FRMD4B: variants seen among roughly 807,000 people sequenced by gnomAD.
FRMD4B encodes the protein FERM domain containing 4B.
Under a neutral mutation model 141.5 loss-of-function variants are expected in FRMD4B, and 74 were observed. That is an observed-to-expected ratio of 0.52 (90% CI 0.43 to 0.63). The LOEUF is 0.63. Among genes scored for constraint, FRMD4B ranks in the 30% least tolerant of loss-of-function variants. The probability of loss-of-function intolerance (pLI) is 0.00; values close to 1 mark genes in which losing one functional copy is unlikely to be tolerated. For synonymous variants in FRMD4B, 506 were observed against 467.9 expected, an observed-to-expected ratio of 1.08 and a Z score of -1.05; for missense variants, 1,366 against 1,253.4, an observed-to-expected ratio of 1.09 and a Z score of -1.36.
At chr3:69,188,041 A>G (rs2092789252) in intron 18 of FRMD4B, 124 bp from the exon 19 acceptor site, 2 of 650,592 alleles carry the variant, frequency 3.1e-6, no homozygotes, top group East Asian at 5.7e-5. Flanking sequence ...TCCAAAGATG[A>G]TATTTTTAGA....
intron 1 of FRMD4B, among the ~76,000 whole-genome samples, chr3:69,480,047 T>G (rs1337234231): frequency 6.6e-6 from 1 of 152,232 alleles, no homozygotes; most frequent in Non-Finnish European, 1.5e-5. Flanking sequence ...AGCCTTGGCT[T>G]TCAGGTCCAT....
At chr3:69,515,596 T>C (rs1276311895) in intron 1 of FRMD4B, among the ~76,000 whole-genome samples, 1 of 152,208 alleles carries the variant, frequency 6.6e-6, no homozygotes, top group African/African-American at 2.4e-5. Flanking sequence ...GAGATCTCTT[T>C]CATTAGGCTC....
rs550235061 is a variant in FRMD4B at position 69,189,827 on chromosome 3, C to T, written c.1771+69G>A. ...AGAAAAACAAATAGGCCTTACTTAA[C>T]TAAGAAAATTATCTTAATTATTTCA... On this transcript the variant is annotated intron_variant, in intron 18 of 22. Transcript: ENST00000398540. 3 of 952,326 alleles carry T rather than the reference C, an allele frequency of 3.2e-6. No homozygotes were observed. The South Asian group carries it at 4.3e-5, about 14-fold the overall frequency. The allele number at this position is 952,326 out of a possible 1,614,324, so 59.0% of individuals were successfully genotyped here. A position where few individuals can be genotyped will look rare whatever the true frequency, so the allele number is the denominator to read the frequency against.
At chr3:69,177,803 G>A (rs1658923025) in intron 21 of FRMD4B, among the ~76,000 whole-genome samples, 1 of 152,198 alleles carries the variant, frequency 6.6e-6, no homozygotes, top group Non-Finnish European at 1.5e-5. Flanking sequence ...AGGCCTTGGA[G>A]GAAATGTGTT....
chr3:69,491,773 T>C (rs1011560210), intron 1 of FRMD4B, among the ~76,000 whole-genome samples: 2 of 152,178 alleles, frequency 1.3e-5, no homozygotes, highest in African/African-American at 4.8e-5. Flanking sequence ...AGCCTCCAGC[T>C]AGATTCACAA....
intron 1 of FRMD4B, among the ~76,000 whole-genome samples, chr3:69,509,951 A>G (rs1326904318): frequency 6.6e-6 from 1 of 151,368 alleles, no homozygotes; most frequent in African/African-American, 2.4e-5. Context: ...ACACTCTACT[A>G]TGGAGTATAA....
At chr3:69,483,742 T>C (rs1706168711) in intron 1 of FRMD4B, among the ~76,000 whole-genome samples, 1 of 152,204 alleles carries the variant, frequency 6.6e-6, no homozygotes. Context: ...TAACCAACTG[T>C]GGACCCTTAT....
chr3:69,456,697 A>G (rs1180904280), intron 1 of FRMD4B, among the ~76,000 whole-genome samples: 2 of 151,776 alleles, frequency 1.3e-5, no homozygotes, highest in South Asian at 2.1e-4. Context: ...ATTTAAATAC[A>G]TACAAGACAG....
intron 20 of FRMD4B, among the ~76,000 whole-genome samples, chr3:69,182,003 A>G (rs1034124504): frequency 6.6e-6 from 1 of 151,918 alleles, no homozygotes; most frequent in Non-Finnish European, 1.5e-5. Flanking sequence ...AGTTTGCATC[A>G]CAGCCTGGAA....
In FRMD4B at chr3:69,181,248, A is replaced by G. The variant is rs773656025; in HGVS notation, c.2502T>C (p.Ser834=). 4 of 1,613,642 alleles carry G rather than the reference A, an allele frequency of 2.5e-6. No homozygotes were observed. The highest frequency in any genetic ancestry group is 1.6e-4 in the Middle Eastern group (1 of 6,084). The change falls in exon 21 of 23, where the codon AGT becomes AGC. Residue 834 remains serine (S), a synonymous_variant. Transcript: ENST00000398540. ...VYENDTEGQY[S]VNPSYRSSAH... The stretch of plus-strand genomic sequence containing the variant: ...CTGAGGACCGGTAGGAAGGGTTGAC[A>G]CTATACTGTCCCTCGGTGTCATTCT...
Position 69,241,717 on chromosome 3 carries a change from G to C in FRMD4B, c.581+7509C>G, listed in dbSNP as rs900992502. Among the ~76,000 whole-genome samples, 5 of 151,928 alleles carry C rather than the reference G, an allele frequency of 3.3e-5. No homozygotes were observed. In the South Asian group the frequency reaches 1.0e-3, roughly 32 times the overall value. ...GCTTGAGACCAGTCTGGCCAACAAG[G>C]TAAAACCCCGTCTCTACTAAAAATT... On this transcript the variant is annotated intron_variant, in intron 7 of 22. Transcript: ENST00000398540.
chr3:69,381,163 G>A (rs1181419953), intron 1 of FRMD4B, among the ~76,000 whole-genome samples: 2 of 152,162 alleles, frequency 1.3e-5, no homozygotes, highest in African/African-American at 4.8e-5. Flanking sequence ...TTTTTATTTA[G>A]TCTCATTACT....
At chr3:69,208,437 T>C (rs2093044860) in intron 11 of FRMD4B, among the ~76,000 whole-genome samples, 1 of 152,154 alleles carries the variant, frequency 6.6e-6, no homozygotes, top group Non-Finnish European at 1.5e-5. Flanking sequence ...AGACCTCAAG[T>C]GATCCGCCTA....
chr3:69,260,800 G>T (rs2093522079), intron 5 of FRMD4B, among the ~76,000 whole-genome samples: 1 of 152,248 alleles, frequency 6.6e-6, no homozygotes, highest in South Asian at 2.1e-4. Context: ...CTAGGTAAAG[G>T]TTTGTAAATG....
At position 69,196,917 on chromosome 3, in the gene FRMD4B, C is replaced by T. The variant is rs1357062336; in HGVS notation, c.1075G>A (p.Asp359Asn). ...TTACTTACTTTGCTTTGCTTCCGGT[C>T]CAAGTAAAACTGATGCTGACTAATT... The part of the protein sequence containing the change: ...MAISQHQFYL[D>N]RKQSKAKIPS... Residue 359 changes from aspartate to asparagine, a missense_variant, in exon 13 of 23, where the codon GAC (aspartate) becomes AAC (asparagine). Asp to Asn is a conservative substitution (Grantham distance 23, BLOSUM62 1). Transcript: ENST00000398540. 3 of 1,611,088 alleles carry T rather than the reference C, an allele frequency of 1.9e-6. No homozygotes were observed. The highest frequency in any genetic ancestry group is 2.5e-6 in the Non-Finnish European group (3 of 1,177,732).
chr3:69,497,916 C>T (rs147014582), intron 1 of FRMD4B, among the ~76,000 whole-genome samples: 19 of 152,246 alleles, frequency 1.2e-4, no homozygotes, highest in African/African-American at 3.9e-4. Context: ...AGAAACAATC[C>T]CCCAATGGGT....
chr3:69,182,223 T>C (rs1420100217), intron 20 of FRMD4B, among the ~76,000 whole-genome samples: 2 of 152,138 alleles, frequency 1.3e-5, no homozygotes, highest in Non-Finnish European at 2.9e-5. Flanking sequence ...ATGAAAACAA[T>C]ATATAATATC....
rs547129314 is a variant in FRMD4B, at chr3:69,513,776, A to G, written c.-129+28430T>C. On this transcript the variant is annotated intron_variant, in intron 1 of 5. Transcript: ENST00000459638. ...ACCAATTTATAAATTACTACTGTAT[A>G]TTACATTAACAGAATAAAGGACAAA... Among the ~76,000 whole-genome samples, 129 of 152,312 alleles carry G rather than the reference A, an allele frequency of 8.5e-4. 1 individual carries two copies. Among genetic ancestry groups the G allele is most frequent in the African/African-American group, 3.1e-3 (128 of 41,586 alleles).
chr3:69,276,333 C>T (rs2106961385), intron 5 of FRMD4B, among the ~76,000 whole-genome samples: 1 of 152,270 alleles, frequency 6.6e-6, no homozygotes, highest in Middle Eastern at 3.4e-3. Context: ...AGTGCAGTGG[C>T]ACAGTCATGG....
Sources: allele counts gnomAD v4.1 joint callset (sites outside exome capture counted in the v4.1 genomes callset), GRCh38; gene constraint gnomAD v4.1.1; transcripts MANE v1.5; gene names NCBI Gene and HGNC (gene_info 2026-07-23, HGNC 2026-07-21).